IMMP2L: variants seen among roughly 807,000 people sequenced by gnomAD.
IMMP2L encodes the protein mitochondrial inner membrane protease subunit 2.
A neutral mutation model predicts 19.3 loss-of-function variants in IMMP2L; 18 were observed. That is an observed-to-expected ratio of 0.93 (90% CI 0.64 to 1.38). The LOEUF is 1.38. Ranked by LOEUF, IMMP2L falls within the 40% of genes most tolerant of loss-of-function variation. The pLI is 0.00. For missense variants in IMMP2L, 233 were observed against 218.2 expected, an observed-to-expected ratio of 1.07 and a Z score of -0.43; for synonymous variants, 76 against 73.0, an observed-to-expected ratio of 1.04 and a Z score of -0.21.
chr7:111,392,886 G>A, intron 3 of IMMP2L: 1 of 455,634 alleles, frequency 2.2e-6, no homozygotes. Flanking sequence ...CCAGAGCATA[G>A]TAGCTTTTGT....
intron 5 of IMMP2L, among the ~76,000 whole-genome samples, chr7:110,858,345 T>C (rs1807019850): frequency 1.3e-5 from 2 of 152,070 alleles, no homozygotes; most frequent in African/African-American, 4.8e-5. Flanking sequence ...TCCTAAAAAC[T>C]GCAGGGAGAT....
At chr7:111,531,053 G>A (rs1029759275) in intron 1 of IMMP2L, among the ~76,000 whole-genome samples, 54 of 151,280 alleles carry the variant, frequency 3.6e-4, no homozygotes, top group Non-Finnish European at 1.5e-4. Flanking sequence ...CCGGGTTCAC[G>A]CCATCCTCCT....
chr7:111,556,582 T>C (rs545113847), intron 1 of IMMP2L, among the ~76,000 whole-genome samples: 17 of 149,480 alleles, frequency 1.1e-4, no homozygotes, highest in Non-Finnish European at 2.1e-4. Flanking sequence ...CCTCCACCAC[T>C]ACAATGAAAC....
At chr7:111,212,148 G>GTCTCTCTCTCTGTCTCTATCTCTA (rs1562931553) in intron 3 of IMMP2L, among the ~76,000 whole-genome samples, 2 of 150,430 alleles carry the variant, frequency 1.3e-5, no homozygotes, top group Non-Finnish European at 2.9e-5. Flanking sequence ...AGATCTCTCT[G>GTCTCTCTCTCTGTCTCTATCTCTA]TCTCTCTCTC....
At chr7:110,844,229 CAG>C (rs1805408468) in intron 5 of IMMP2L, among the ~76,000 whole-genome samples, 1 of 152,064 alleles carries the variant, frequency 6.6e-6, no homozygotes, top group South Asian at 2.1e-4. Flanking sequence ...TCAATAAGCT[CAG>C]AGTTTTCTTT....
intron 3 of IMMP2L, among the ~76,000 whole-genome samples, chr7:110,985,902 C>T (rs1209679157): frequency 6.6e-6 from 1 of 152,138 alleles, no homozygotes; most frequent in Non-Finnish European, 1.5e-5. Context: ...CAACTAATCA[C>T]ATTTACCAAC....
chr7:111,101,124 A>C (rs1267746260), intron 3 of IMMP2L, among the ~76,000 whole-genome samples: 1 of 151,440 alleles, frequency 6.6e-6, no homozygotes, highest in Non-Finnish European at 1.5e-5. Flanking sequence ...TTCTTTTCAC[A>C]TCATCATATT....
chr7:111,494,780 G>C (rs969982236), intron 2 of IMMP2L, among the ~76,000 whole-genome samples: 21 of 152,084 alleles, frequency 1.4e-4, no homozygotes, highest in Non-Finnish European at 3.1e-4. Flanking sequence ...CACTAATGAT[G>C]ATGGCAACAA....
At chr7:110,744,459 C>T (rs949668740) in intron 5 of IMMP2L, among the ~76,000 whole-genome samples, 11 of 152,308 alleles carry the variant, frequency 7.2e-5, no homozygotes, top group Admixed American at 5.9e-4. Flanking sequence ...CTAGGAGACA[C>T]CTCCCAGTAG....
chr7:111,098,473 GTAA>G (rs1169226545), intron 3 of IMMP2L, among the ~76,000 whole-genome samples: 2 of 151,710 alleles, frequency 1.3e-5, no homozygotes, highest in Non-Finnish European at 3.0e-5. Flanking sequence ...AATAATCAAA[GTAA>G]TGATGAATTA....
At chr7:110,679,107 C>T (rs1324583032) in intron 5 of IMMP2L, among the ~76,000 whole-genome samples, 1 of 152,108 alleles carries the variant, frequency 6.6e-6, no homozygotes. Context: ...CATAATCATT[C>T]TAGTCCCCCC....
intron 1 of IMMP2L, among the ~76,000 whole-genome samples, chr7:111,526,193 G>C (rs1205470282): frequency 6.6e-6 from 1 of 152,202 alleles, no homozygotes; most frequent in Non-Finnish European, 1.5e-5. Context: ...GCTAAGTACA[G>C]AGGATATAAA....
At chr7:111,251,463 T>C (rs1049899024) in intron 3 of IMMP2L, among the ~76,000 whole-genome samples, 1 of 152,150 alleles carries the variant, frequency 6.6e-6, no homozygotes. Flanking sequence ...ATATGTTCCA[T>C]GCAGCACTAT....
At chr7:111,242,143 T>C (rs1163914389) in intron 3 of IMMP2L, among the ~76,000 whole-genome samples, 1 of 152,078 alleles carries the variant, frequency 6.6e-6, no homozygotes, top group African/African-American at 2.4e-5. Context: ...TCCCTTACCA[T>C]AAACTTTTCC....
intron 4 of IMMP2L, among the ~76,000 whole-genome samples, chr7:110,954,545 C>T (rs1336686284): frequency 2.6e-5 from 4 of 152,042 alleles, no homozygotes. Flanking sequence ...ACTGTGTTAA[C>T]CAAATTATAT....
chr7:111,331,823 T>C (rs1165361104), intron 3 of IMMP2L, among the ~76,000 whole-genome samples: 2 of 151,854 alleles, frequency 1.3e-5, no homozygotes, highest in Non-Finnish European at 2.9e-5. Flanking sequence ...ATCCAAGCTA[T>C]AAAAAAAGTT....
At chr7:111,115,878 T>C (rs1315255756) in intron 3 of IMMP2L, among the ~76,000 whole-genome samples, 1 of 152,098 alleles carries the variant, frequency 6.6e-6, no homozygotes, top group Non-Finnish European at 1.5e-5. Context: ...GGTTTCACTA[T>C]GTTGACCAGG....
chr7:110,909,176 G>A (rs1414184817), intron 4 of IMMP2L, among the ~76,000 whole-genome samples: 2 of 152,140 alleles, frequency 1.3e-5, no homozygotes, highest in East Asian at 3.9e-4. Flanking sequence ...GAAAGGCAAA[G>A]GCAGTAGGAA....
intron 5 of IMMP2L, among the ~76,000 whole-genome samples, chr7:110,684,915 C>A (rs539735646): frequency 6.6e-6 from 1 of 152,110 alleles, no homozygotes; most frequent in Non-Finnish European, 1.5e-5. Context: ...GTATCCAGTG[C>A]TACCTGGCAT....
Sources: gnomAD v4.1 joint callset for allele counts (sites outside exome capture counted in the v4.1 genomes callset) on GRCh38, gnomAD v4.1.1 for gene constraint, MANE v1.5 for transcripts, NCBI Gene and HGNC (gene_info 2026-07-23, HGNC 2026-07-21) for gene names.